DPY19L3: variants seen among roughly 807,000 people sequenced by gnomAD.
DPY19L3 encodes protein C-mannosyl-transferase DPY19L3.
DPY19L3 carries 51 observed loss-of-function variants against 92.3 expected under a neutral mutation model. That is an observed-to-expected ratio of 0.55 (90% CI 0.44 to 0.70). The LOEUF (loss-of-function observed/expected upper bound fraction) is 0.70. Among genes scored for constraint, DPY19L3 ranks in the 30% least tolerant of loss-of-function variants. The pLI is 0.00. For missense variants in DPY19L3, 706 were observed against 855.9 expected (o/e 0.82, Z 2.18); for synonymous variants, 309 against 315.2 (o/e 0.98, Z 0.21).
intron 16 of DPY19L3, among the ~76,000 whole-genome samples, chr19:32,472,571 A>T (rs890117701): frequency 6.6e-6 from 1 of 151,476 alleles, no homozygotes; most frequent in East Asian, 1.9e-4. Context: ...CTCTTTCAGC[A>T]AAAGTCAGGC....
intron 16 of DPY19L3, among the ~76,000 whole-genome samples, chr19:32,476,454 A>T (rs62106361): frequency 5.3e-5 from 8 of 150,868 alleles, no homozygotes; most frequent in African/African-American, 2.0e-4. Context: ...ACTCAGGAGA[A>T]TCCCCAGAAG....
At chr19:32,426,446 GTC>G (rs1968767629) in intron 3 of DPY19L3, among the ~76,000 whole-genome samples, 2 of 152,096 alleles carry the variant, frequency 1.3e-5, no homozygotes, top group Admixed American at 1.3e-4. Flanking sequence ...CTAGTTTTTG[GTC>G]TCTCTCAACT....
chr19:32,424,280 A>G (rs1968680814), intron 3 of DPY19L3, among the ~76,000 whole-genome samples: 2 of 151,462 alleles, frequency 1.3e-5, no homozygotes, highest in South Asian at 4.2e-4. Flanking sequence ...TGATCACACC[A>G]CTGCACTCCG....
intron 12 of DPY19L3, among the ~76,000 whole-genome samples, chr19:32,460,418 A>T (rs1437852947): frequency 2.0e-5 from 3 of 152,134 alleles, no homozygotes; most frequent in Non-Finnish European, 4.4e-5. Flanking sequence ...CTCTATTTTT[A>T]AAAAATACTG....
intron 4 of DPY19L3, 107 bp downstream of exon 4, chr19:32,432,913 T>G (rs1969017850): frequency 4.7e-6 from 4 of 845,118 alleles, no homozygotes; most frequent in Non-Finnish European, 7.5e-6. Flanking sequence ...AGAACATGTG[T>G]ATTTTTCCGT....
intron 4 of DPY19L3, 76 bp downstream of exon 4, chr19:32,432,882 A>G (rs1969016190): frequency 2.6e-6 from 3 of 1,153,510 alleles, no homozygotes; most frequent in Non-Finnish European, 3.9e-6. Flanking sequence ...CTGTGCACTA[A>G]AAACCACTTA....
rs540538129 is a variant in DPY19L3 at position 32,464,775 on chromosome 19, A to G, written c.1605A>G (p.Leu535=). 3.1e-5 allele frequency: 47 copies of G among 1,529,680 alleles called. No homozygotes were observed. Among genetic ancestry groups the G allele is most frequent in the Admixed American group, 5.7e-5 (3 of 52,762 alleles). 94.8% of individuals were successfully genotyped at this position (1,529,680 alleles called of 1,614,324 possible). A position where few individuals can be genotyped will look rare whatever the true frequency, so the allele number is the denominator to read the frequency against. ...YSVPILILLY[L]CYKFWPGMMD... ...TACCGATATTAATACTGCTGTATCT[A>G]TGCTATAAGGTAAGACTGATTTTCC... is the stretch of plus-strand genomic sequence containing the variant. Residue 535 remains leucine (L), a synonymous_variant, in exon 15 of 19, where the codon CTA becomes CTG. Transcript: ENST00000392250.
chr19:32,469,683 T>C (rs1310567004), intron 16 of DPY19L3, among the ~76,000 whole-genome samples: 1 of 152,136 alleles, frequency 6.6e-6, no homozygotes, highest in Admixed American at 6.5e-5. Context: ...GTCTTGAATA[T>C]CATAATGCTT....
intron 3 of DPY19L3, among the ~76,000 whole-genome samples, chr19:32,422,655 C>CACACACAG (rs1968614389): frequency 6.6e-6 from 1 of 151,734 alleles, no homozygotes; most frequent in South Asian, 2.1e-4. Flanking sequence ...CACACACACA[C>CACACACAG]ACACACGTTT....
At chr19:32,453,617 G>A (rs964781460) in intron 9 of DPY19L3, among the ~76,000 whole-genome samples, 1 of 152,062 alleles carries the variant, frequency 6.6e-6, no homozygotes, top group African/African-American at 2.4e-5. Context: ...AGCGAGAAGA[G>A]TCTCCTGCTT....
At chr19:32,406,355 G>A (rs1462189954) in intron 1 of DPY19L3, 1 of 152,256 alleles carries the variant, frequency 6.6e-6, no homozygotes, top group Non-Finnish European at 1.5e-5. Context: ...AGAGCGCTAG[G>A]CTTTTTTATT....
At chr19:32,461,838 C>T (rs1970049619) in intron 12 of DPY19L3, among the ~76,000 whole-genome samples, 1 of 152,154 alleles carries the variant, frequency 6.6e-6, no homozygotes, top group Non-Finnish European at 1.5e-5. Context: ...AATTGTGCAA[C>T]ATCTAAAGTC....
At chr19:32,432,836 T>G in intron 4 of DPY19L3, 30 bp downstream of exon 4, 1 of 1,598,990 alleles carries the variant, frequency 6.3e-7, no homozygotes, top group Non-Finnish European at 8.6e-7. Context: ...TCATTTGGGG[T>G]CTCCTGCATT....
chr19:32,464,446 C>T (rs1320806123), intron 14 of DPY19L3, among the ~76,000 whole-genome samples: 3 of 152,144 alleles, frequency 2.0e-5, no homozygotes, highest in Admixed American at 1.3e-4. Flanking sequence ...CTAGTATCGA[C>T]TCAGTTATTC....
intron 3 of DPY19L3, among the ~76,000 whole-genome samples, chr19:32,426,106 A>T (rs994747619): frequency 1.3e-5 from 2 of 152,174 alleles, no homozygotes; most frequent in African/African-American, 4.8e-5. Context: ...CAGCACTTTC[A>T]GCTTCACCTT....
Position 32,414,062 on chromosome 19 carries a change from C to T in DPY19L3, c.237+2690C>T, listed in dbSNP as rs538732196. The stretch of plus-strand genomic sequence containing the variant: ...GGAGTGCTGGCAGGGCGTGGTGGAT[C>T]ACTTGAGGTCAGGAGTTTGAGACCA... On this transcript the variant is annotated intron_variant, in intron 3 of 18. Transcript: ENST00000392250. Among the ~76,000 whole-genome samples the T allele has an allele frequency of 3.9e-5, 6 of 152,070 alleles. No individual in the cohort carries two copies. The East Asian group carries it at 1.2e-3, about 30-fold the overall frequency.
At chr19:32,407,980 CG>C (rs1413646134) in intron 1 of DPY19L3, among the ~76,000 whole-genome samples, 45 of 151,650 alleles carry the variant, frequency 3.0e-4, no homozygotes, top group Admixed American at 3.0e-3. Context: ...TCCAGATACT[CG>C]GGAGGCTGAG....
chr19:32,411,419 C>T (rs759503135), intron 3 of DPY19L3, 47 bp downstream of exon 3: 3 of 1,603,714 alleles, frequency 1.9e-6, no homozygotes, highest in African/African-American at 2.7e-5. Flanking sequence ...GTGGGATCTC[C>T]AGTAGTAAGC....
At chr19:32,442,722 G>A (rs956340078) in intron 8 of DPY19L3, among the ~76,000 whole-genome samples, 7 of 152,170 alleles carry the variant, frequency 4.6e-5, no homozygotes, top group Non-Finnish European at 8.8e-5. Context: ...AAGAGAGGAA[G>A]CCTAACAAGA....
Sources: gnomAD v4.1 joint callset for allele counts (sites outside exome capture counted in the v4.1 genomes callset) on GRCh38, gnomAD v4.1.1 for gene constraint, MANE v1.5 for transcripts, NCBI Gene and HGNC (gene_info 2026-07-23, HGNC 2026-07-21) for gene names.